The following CECR2 variants were observed in gnomAD, a reference collection of about 807,000 sequenced individuals.
The protein encoded by CECR2 is CECR2 histone acetyl-lysine reader, also known as chromatin remodeling regulator CECR2.
In CECR2, 30 loss-of-function variants were observed where a neutral mutation model predicts 154.5. That is an observed-to-expected ratio of 0.19 (90% CI 0.15 to 0.26). The LOEUF (loss-of-function observed/expected upper bound fraction) is 0.26. Among genes scored for constraint, CECR2 ranks in the 10% least tolerant of loss-of-function variants. The pLI is 1.00. For synonymous variants in CECR2, 725 were observed against 683.7 expected, an observed-to-expected ratio of 1.06 and a Z score of -0.94; for missense variants, 1,743 against 1,829.3, an observed-to-expected ratio of 0.95 and a Z score of 0.86.
chr22:17,360,678 GAAA>G (rs34750748), intron 1 of CECR2, among the ~76,000 whole-genome samples: 1 of 133,702 alleles, frequency 7.5e-6, no homozygotes, highest in Non-Finnish European at 1.6e-5. Context: ...CTCCATCTCG[GAAA>G]AAAAAAAAAA....
chr22:17,531,354 T>C (rs2056352674), intron 9 of CECR2, among the ~76,000 whole-genome samples: 2 of 152,220 alleles, frequency 1.3e-5, no homozygotes, highest in African/African-American at 4.8e-5. Context: ...CCATCCATCC[T>C]AGGATGAGTT....
intron 7 of CECR2, among the ~76,000 whole-genome samples, chr22:17,509,776 TTGA>T (rs1445649879): frequency 6.6e-6 from 1 of 152,178 alleles, no homozygotes; most frequent in Non-Finnish European, 1.5e-5. Context: ...TAGTGGATAA[TTGA>T]TGAGAAACCT....
intron 1 of CECR2, among the ~76,000 whole-genome samples, chr22:17,433,508 C>T (rs1410381732): frequency 6.6e-6 from 1 of 152,120 alleles, no homozygotes; most frequent in Non-Finnish European, 1.5e-5. Context: ...TACAGTGCCT[C>T]GATCACTGCT....
intron 1 of CECR2, among the ~76,000 whole-genome samples, chr22:17,432,139 C>T (rs2054434330): frequency 1.4e-5 from 2 of 141,890 alleles, no homozygotes; most frequent in African/African-American, 5.1e-5. Context: ...TGGACATTTC[C>T]TGTAAGTGGA....
intron 1 of CECR2, among the ~76,000 whole-genome samples, chr22:17,473,401 G>T (rs1483708779): frequency 6.6e-6 from 1 of 152,192 alleles, no homozygotes; most frequent in African/African-American, 2.4e-5. Flanking sequence ...TATTGCCTTA[G>T]TCTAAGACTT....
intron 1 of CECR2, among the ~76,000 whole-genome samples, chr22:17,396,235 C>G (rs2053807844): frequency 7.1e-6 from 1 of 140,788 alleles, no homozygotes; most frequent in East Asian, 2.2e-4. Flanking sequence ...AGAGTGAGAC[C>G]CTTTCTCAAA....
chr22:17,484,576 C>T (rs2055387419), intron 2 of CECR2, among the ~76,000 whole-genome samples: 1 of 151,850 alleles, frequency 6.6e-6, no homozygotes, highest in Admixed American at 6.6e-5. Flanking sequence ...TTATTATAGA[C>T]TGTTTTTTGT....
chr22:17,498,780 A>AAAC (rs3079533), intron 3 of CECR2, among the ~76,000 whole-genome samples: 127,078 of 151,784 alleles, frequency 0.84, 53,301 homozygotes, highest in East Asian at 1. Context: ...TGCTCACATA[A>AAAC]AACAACCGCT....
At chr22:17,423,206 T>C (rs556108393) in intron 1 of CECR2, among the ~76,000 whole-genome samples, 39 of 152,284 alleles carry the variant, frequency 2.6e-4, no homozygotes, top group Non-Finnish European at 5.3e-4. Context: ...AGTGAGCACC[T>C]GCCTCTGGAT....
intron 1 of CECR2, among the ~76,000 whole-genome samples, chr22:17,454,779 T>G (rs1411597170): frequency 1.3e-5 from 2 of 152,220 alleles, no homozygotes; most frequent in African/African-American, 4.8e-5. Context: ...AGTTTTAATT[T>G]TAAGCATACC....
At chr22:17,512,805 A>G (rs2146930019) in intron 8 of CECR2, among the ~76,000 whole-genome samples, 1 of 152,202 alleles carries the variant, frequency 6.6e-6, no homozygotes, top group East Asian at 1.9e-4. Flanking sequence ...TGGACCTGAA[A>G]AGGGTCCAGG....
At chr22:17,404,567 G>T (rs1452303438) in intron 1 of CECR2, among the ~76,000 whole-genome samples, 1 of 138,542 alleles carries the variant, frequency 7.2e-6, no homozygotes, top group African/African-American at 2.9e-5. Context: ...TAGAGACGGG[G>T]TTTCACCGTT....
At position 17,364,374 on chromosome 22, in the gene CECR2, A is replaced by G. The variant is rs549275207; in HGVS notation, c.-364+4351A>G. On this transcript the variant is annotated intron_variant, in intron 1 of 18. Coordinates refer to the CECR2 transcript ENST00000400585. ...AAAAAAAAAAAAAAGAATTTGTGCC[A>G]TACTTGGGCTTAGTTATACACAGTT... Among the ~76,000 whole-genome samples the G allele has an allele frequency of 9.6e-5, 14 of 146,296 alleles. No individual in the cohort carries two copies. The South Asian group carries it at 1.5e-3, about 16-fold the overall frequency.
chr22:17,504,781 T>G, intron 6 of CECR2, 66 bp from the exon 7 acceptor site: 1 of 1,449,100 alleles, frequency 6.9e-7, no homozygotes, highest in Middle Eastern at 1.8e-4. Flanking sequence ...AGAAACAAAA[T>G]TGAGAATAAA....
At chr22:17,519,510 G>A (rs553017982) in intron 8 of CECR2, among the ~76,000 whole-genome samples, 7 of 152,016 alleles carry the variant, frequency 4.6e-5, no homozygotes, top group Admixed American at 2.0e-4. Flanking sequence ...CACCCACCTC[G>A]GCCTCCCACA....
intron 10 of CECR2, among the ~76,000 whole-genome samples, chr22:17,538,177 C>A (rs1739933467): frequency 6.6e-6 from 1 of 152,146 alleles, no homozygotes; most frequent in South Asian, 2.1e-4. Context: ...GTGATCACAC[C>A]ACTTCACTCC....
At chr22:17,454,720 A>G (rs1347964842) in intron 1 of CECR2, among the ~76,000 whole-genome samples, 1 of 152,156 alleles carries the variant, frequency 6.6e-6, no homozygotes, top group African/African-American at 2.4e-5. Context: ...AATGTGACAC[A>G]AAGAGAAAAA....
intron 8 of CECR2, chr22:17,518,917 G>A: frequency 4.2e-6 from 1 of 235,730 alleles, no homozygotes; most frequent in Admixed American, 4.8e-5. Context: ...GATGTCCATG[G>A]GGGAATGAGA....
At chr22:17,455,004 C>T (rs1002158096) in intron 1 of CECR2, among the ~76,000 whole-genome samples, 4 of 152,178 alleles carry the variant, frequency 2.6e-5, no homozygotes, top group African/African-American at 9.7e-5. Context: ...GTCCGGTTTC[C>T]ATTGGCTGGA....
Sources: gnomAD v4.1 joint callset for allele counts (sites outside exome capture counted in the v4.1 genomes callset) on GRCh38, gnomAD v4.1.1 for gene constraint, MANE v1.5 for transcripts, NCBI Gene and HGNC (gene_info 2026-07-23, HGNC 2026-07-21) for gene names.